Variants in GLMN observed in about 807,000 individuals in gnomAD.
GLMN encodes glomulin, FKBP associated protein.
Under a neutral mutation model 87.8 loss-of-function variants are expected in GLMN, and 75 were observed. The ratio of observed to expected loss-of-function variants is 0.85; its 90% CI spans 0.71 to 1.04. GLMN has a LOEUF of 1.04. GLMN is among the 50% of genes least tolerant of loss of function. GLMN has a pLI of 0.00. For synonymous variants in GLMN, 206 were observed against 221.6 expected (o/e 0.93, Z 0.63); for missense variants, 588 against 658.8 (o/e 0.89, Z 1.18).
At chr1:92,288,423 ATTATT>A (rs908125957) in intron 6 of GLMN, among the ~76,000 whole-genome samples, 1 of 152,010 alleles carries the variant, frequency 6.6e-6, no homozygotes, top group Non-Finnish European at 1.5e-5. Context: ...TGGTTTTATA[ATTATT>A]TTATTAATTA....
At chr1:92,273,725 G>C (rs1177168840) in intron 7 of GLMN, among the ~76,000 whole-genome samples, 1 of 151,780 alleles carries the variant, frequency 6.6e-6, no homozygotes, top group Admixed American at 6.6e-5. Context: ...CAAAGGCCTG[G>C]GCCTACAAGC....
Position 92,269,595 on chromosome 1 carries a change from T to G in GLMN, c.977+128A>C, listed in dbSNP as rs1656019726. On this transcript the variant is annotated intron_variant, in intron 9 of 18. Transcript: ENST00000370360. ...CTGTCTCTCTCGTGAATTATTTGCC[T>G]CGCTGTTTTATAAAATAACCAATTA... 6 of 698,686 alleles carry G rather than the reference T, an allele frequency of 8.6e-6. No individual in the cohort carries two copies. In the East Asian group the frequency reaches 1.6e-4, roughly 18 times the overall value. The allele number at this position is 698,686 out of a possible 1,614,324, so 43.3% of individuals were successfully genotyped here. A position where few individuals can be genotyped will look rare whatever the true frequency, so the allele number is the denominator to read the frequency against.
the GLMN span, among the ~76,000 whole-genome samples, chr1:92,352,944 A>G: frequency 6.6e-6 from 1 of 152,212 alleles, no homozygotes; most frequent in African/African-American, 2.4e-5. Flanking sequence ...CATAAATGGA[A>G]TCATATGTGA....
intron 11 of GLMN, 37 bp downstream of exon 11, chr1:92,267,875 AG>A (rs1237532741): frequency 6.2e-6 from 6 of 964,904 alleles, no homozygotes; most frequent in Non-Finnish European, 1.0e-5. Flanking sequence ...GAACAGGCAA[AG>A]GGCTATTTTC....
the GLMN span, among the ~76,000 whole-genome samples, chr1:92,315,806 C>T: frequency 5.6e-4 from 85 of 152,086 alleles, no homozygotes; most frequent in African/African-American, 1.9e-3. Context: ...GGAGTAGATC[C>T]GTAATGTCAT....
chr1:92,369,047 G>A, the GLMN span, among the ~76,000 whole-genome samples: 1 of 152,164 alleles, frequency 6.6e-6, no homozygotes, highest in Admixed American at 6.5e-5. Flanking sequence ...GATAGCCTGT[G>A]TTAAGCCATC....
intron 16 of GLMN, among the ~76,000 whole-genome samples, chr1:92,251,272 T>C (rs1255095741): frequency 2.0e-5 from 3 of 152,136 alleles, no homozygotes; most frequent in African/African-American, 4.8e-5. Flanking sequence ...GGTAAAAGAA[T>C]AGATACAGGT....
At chr1:92,336,481 C>T in the GLMN span, 2 of 1,230,236 alleles carry the variant, frequency 1.6e-6, no homozygotes, top group African/African-American at 1.5e-5. Flanking sequence ...TTATTTATTG[C>T]CTTGCAGAAT....
the GLMN span, chr1:92,307,156 GA>G: frequency 6.1e-6 from 9 of 1,479,420 alleles, no homozygotes; most frequent in South Asian, 5.9e-5. Context: ...TTCATGATAA[GA>G]AAAAAACTAG....
At chr1:92,269,877 GAT>G in intron 8 of GLMN, 101 bp from the exon 9 acceptor site, 2 of 802,684 alleles carry the variant, frequency 2.5e-6, no homozygotes, top group Non-Finnish European at 4.3e-6. Flanking sequence ...CCCCAAAAAA[GAT>G]ATGTTGGAGT....
the GLMN span, chr1:92,307,193 T>C: frequency 6.2e-7 from 1 of 1,609,682 alleles, no homozygotes. Context: ...TTCAGTCTTT[T>C]TGCAGCAATT....
rs765865353 is a variant in GLMN, at chr1:92,260,765, G to GAAAAA, written c.1473+2093_1473+2097dup. On this transcript the variant is annotated intron_variant, in intron 16 of 18. Coordinates refer to ENST00000370360, the MANE Select transcript of GLMN (RefSeq NM_053274.3). ...AGTGAGACACTGTCTCTTTGAGATG[G>GAAAAA]AAAAAAAAAAAAAAAAAAAAAGGCA... is the stretch of plus-strand genomic sequence containing the variant. Among the ~76,000 whole-genome samples, 9 of 100,060 alleles carry GAAAAA rather than the reference G, an allele frequency of 9.0e-5. 4 individuals carry two copies. Among genetic ancestry groups the GAAAAA allele is most frequent in the Non-Finnish European group, 1.7e-4 (9 of 52,344 alleles). The allele number at this position is 100,060 out of a possible 152,430, so 65.6% of individuals were successfully genotyped here.
chr1:92,363,180 CTT>C, the GLMN span, among the ~76,000 whole-genome samples: 1 of 152,160 alleles, frequency 6.6e-6, no homozygotes, highest in Non-Finnish European at 1.5e-5. Flanking sequence ...GTTGGCTTCT[CTT>C]TTGAGGAACC....
Position 92,269,749 on chromosome 1 carries a change from C to T in GLMN, c.951G>A (p.Met317Ile), listed in dbSNP as rs1422025380. ...LSPLYLLQFN[M>I]GHIEVFLQRT... is the part of the protein sequence containing the mutation. ...TTTGCAAAAAGACTTCAATGTGCCC[C>T]ATATTAAACTGCAAAAGGTACAATG... Residue 317 changes from methionine to isoleucine, a missense_variant, in exon 9 of 19, where the codon ATG becomes ATA. Met to Ile is a conservative substitution (Grantham distance 10). Coordinates refer to ENST00000370360, the MANE Select transcript of GLMN (RefSeq NM_053274.3). The T allele has an allele frequency of 6.2e-7, 1 of 1,608,110 alleles. No individual in the cohort carries two copies. Among genetic ancestry groups the T allele is most frequent in the African/African-American group, 1.3e-5 (1 of 74,786 alleles).
At chr1:92,261,568 A>G (rs1655045410) in intron 16 of GLMN, among the ~76,000 whole-genome samples, 1 of 152,188 alleles carries the variant, frequency 6.6e-6, no homozygotes, top group Non-Finnish European at 1.5e-5. Flanking sequence ...TTAACTAGGA[A>G]GGGGTATGAG....
upstream of GLMN, chr1:92,300,323 C>CT (rs565648906): frequency 0.065 from 50,813 of 776,008 alleles, no homozygotes; most frequent in East Asian, 0.086. Flanking sequence ...TAATGGTTAC[C>CT]TTTTTTTTTT....
At chr1:92,282,432 C>T (rs3103179) in intron 7 of GLMN, among the ~76,000 whole-genome samples, 24,566 of 152,062 alleles carry the variant, frequency 0.16, 2,225 homozygotes, top group South Asian at 0.26. Flanking sequence ...CCAATGAGAA[C>T]AAAGACACAA....
At chr1:92,356,585 A>AT in the GLMN span, among the ~76,000 whole-genome samples, 939 of 51,780 alleles carry the variant, frequency 0.018, 8 homozygotes, top group Admixed American at 0.036. Context: ...CTCCTGGCTA[A>AT]TTTTTTTTTT....
the GLMN span, among the ~76,000 whole-genome samples, chr1:92,347,308 T>A: frequency 6.6e-6 from 1 of 152,210 alleles, no homozygotes; most frequent in Non-Finnish European, 1.5e-5. Flanking sequence ...TTTGTAAATA[T>A]TTTGGTCACT....
Sources: allele counts gnomAD v4.1 joint callset (sites outside exome capture counted in the v4.1 genomes callset), GRCh38; gene constraint gnomAD v4.1.1; transcripts MANE v1.5; gene names NCBI Gene and HGNC (gene_info 2026-07-23, HGNC 2026-07-21).